SP4: variants seen among roughly 807,000 people sequenced by gnomAD.
SP4 encodes transcription factor Sp4.
Under a neutral mutation model 72.8 loss-of-function variants are expected in SP4, and 19 were observed. That is an observed-to-expected ratio of 0.26 (90% CI 0.18 to 0.38). The LOEUF is 0.38. Among genes scored for constraint, SP4 ranks in the 10% least tolerant of loss-of-function variants. The pLI is 1.00. For missense variants in SP4, 1,008 were observed against 926.3 expected (o/e 1.09, Z -1.14); for synonymous variants, 395 against 333.1 (o/e 1.19, Z -2.02).
At chr7:21,442,740 TTTG>T (rs1196843898) in intron 3 of SP4, among the ~76,000 whole-genome samples, 3 of 152,152 alleles carry the variant, frequency 2.0e-5, no homozygotes, top group African/African-American at 4.8e-5. Flanking sequence ...AGTTTTTTGT[TTTG>T]TTTTGTTTTT....
intron 5 of SP4, among the ~76,000 whole-genome samples, chr7:21,485,073 A>T (rs773510495): frequency 7.2e-5 from 11 of 152,052 alleles, no homozygotes; most frequent in Non-Finnish European, 1.6e-4. Flanking sequence ...ATATCAGTAT[A>T]CTTAAAATTG....
chr7:21,428,535 A>AC, intron 1 of SP4, 142 bp from the exon 2 acceptor site: 2 of 953,344 alleles, frequency 2.1e-6, no homozygotes, highest in Non-Finnish European at 3.1e-6. Context: ...CTTCTCCCCC[A>AC]CCCCCTGCCG....
At chr7:21,505,546 A>G (rs1161455621) in intron 5 of SP4, among the ~76,000 whole-genome samples, 1 of 152,148 alleles carries the variant, frequency 6.6e-6, no homozygotes, top group Non-Finnish European at 1.5e-5. Context: ...GTTTTCTCCT[A>G]GTTATAGCAT....
At chr7:21,452,992 C>T (rs1190495438) in intron 3 of SP4, among the ~76,000 whole-genome samples, 1 of 152,066 alleles carries the variant, frequency 6.6e-6, no homozygotes, top group East Asian at 1.9e-4. Context: ...ATTGGCCAGG[C>T]TGGTCTTGAA....
intron 3 of SP4, among the ~76,000 whole-genome samples, chr7:21,457,733 G>A (rs752899683): frequency 4.6e-5 from 7 of 151,946 alleles, no homozygotes; most frequent in Non-Finnish European, 7.4e-5. Context: ...AGGGGTAAGC[G>A]GTATGACCAT....
chr7:21,473,463 C>T (rs920349036), intron 3 of SP4, among the ~76,000 whole-genome samples: 4 of 152,078 alleles, frequency 2.6e-5, no homozygotes, highest in African/African-American at 7.2e-5. Context: ...GGCACTGTTA[C>T]GGTACTAGAG....
chr7:21,428,746 C>T lies in SP4; in HGVS notation c.77C>T (p.Ser26Phe). The T allele has an allele frequency of 6.4e-7, 1 of 1,553,372 alleles. No individual in the cohort carries two copies. Among genetic ancestry groups the T allele is most frequent in the Non-Finnish European group, 8.7e-7 (1 of 1,148,006 alleles). The change falls in exon 2 of 6, where the codon TCT becomes TTT. Residue 26 changes from serine to phenylalanine, a missense_variant. Coordinates refer to ENST00000222584, the MANE Select transcript of SP4 (RefSeq NM_003112.5). ...AAMATEGGKT[S>F]EPENNNKKPK... ...ATGGCTACAGAAGGAGGGAAAACCT[C>T]TGAGCCAGAGAATAACAATAAAAAA...
chr7:21,433,816 C>T (rs566416677), intron 3 of SP4, among the ~76,000 whole-genome samples: 21 of 151,918 alleles, frequency 1.4e-4, no homozygotes, highest in Non-Finnish European at 2.6e-4. Context: ...GGCACATGCC[C>T]GTAGTCCCAG....
At chr7:21,505,816 C>T (rs1781981256) in intron 5 of SP4, among the ~76,000 whole-genome samples, 3 of 152,248 alleles carry the variant, frequency 2.0e-5, no homozygotes, top group South Asian at 2.1e-4. Context: ...AATTGTCCAT[C>T]GTTAATCAAT....
At chr7:21,465,785 C>T (rs1039649984) in intron 3 of SP4, among the ~76,000 whole-genome samples, 7 of 152,020 alleles carry the variant, frequency 4.6e-5, no homozygotes, top group Non-Finnish European at 7.4e-5. Context: ...ATTGCTTGAG[C>T]CTAGGGGTTT....
intron 5 of SP4, among the ~76,000 whole-genome samples, chr7:21,485,835 A>C (rs1035553066): frequency 6.6e-6 from 1 of 151,944 alleles, no homozygotes; most frequent in Non-Finnish European, 1.5e-5. Context: ...CCATCTTTCT[A>C]ATGAACATGA....
At chr7:21,475,411 G>C (rs1344963792) in intron 3 of SP4, among the ~76,000 whole-genome samples, 2 of 151,854 alleles carry the variant, frequency 1.3e-5, no homozygotes, top group African/African-American at 2.4e-5. Flanking sequence ...ACCACGCCTG[G>C]CCTGAAAGAA....
chr7:21,496,034 C>G (rs1180847185), intron 5 of SP4, among the ~76,000 whole-genome samples: 1 of 152,074 alleles, frequency 6.6e-6, no homozygotes, highest in African/African-American at 2.4e-5. Context: ...ATGTGATATT[C>G]TGGAAAAATC....
At chr7:21,428,328 C>T (rs968735205) in intron 1 of SP4, 70 bp downstream of exon 1, 19 of 767,606 alleles carry the variant, frequency 2.5e-5, no homozygotes, top group Admixed American at 2.4e-4. Flanking sequence ...AGACCCTGCT[C>T]GGTTCTCCCC....
chr7:21,468,187 C>T (rs754825578), intron 3 of SP4, among the ~76,000 whole-genome samples: 4 of 152,130 alleles, frequency 2.6e-5, no homozygotes, highest in Non-Finnish European at 4.4e-5. Context: ...CCTAAGCTAA[C>T]AGCACCTTAT....
chr7:21,513,557 CATT>C lies in SP4; in HGVS notation c.*2291_*2293del, dbSNP rs1174118458. ...AACATCAAATATATATTTTATCTAT[CATT>C]ATGCTACACAATCAGTGCTATAAAT... On this transcript the variant is annotated 3_prime_UTR_variant, in exon 6 of 6. Transcript: ENST00000222584. The C allele has an allele frequency of 2.0e-4, 31 of 152,646 alleles. No individual in the cohort carries two copies. The highest frequency in any genetic ancestry group is 3.3e-4 in the Admixed American group (5 of 15,298). The allele number at this position is 152,646 out of a possible 1,614,324, so 9.5% of individuals were successfully genotyped here.
Position 21,500,015 on chromosome 7 carries a change from A to G in SP4, c.2108-11007A>G, listed in dbSNP as rs371596763. The stretch of plus-strand genomic sequence containing the variant: ...TTTTTTCCAAGGGAAATTACTGTTA[A>G]GAATATTAAAATAGTAAGTAGTCGA... On this transcript the variant is annotated intron_variant, in intron 5 of 5. Coordinates refer to ENST00000222584, the MANE Select transcript of SP4 (RefSeq NM_003112.5). Among the ~76,000 whole-genome samples the G allele has an allele frequency of 1.1e-4, 17 of 152,318 alleles. No individual in the cohort carries two copies. The East Asian group carries it at 3.1e-3, about 28-fold the overall frequency.
intron 2 of SP4, 80 bp from the exon 3 acceptor site, chr7:21,429,209 C>G: frequency 1.4e-6 from 1 of 713,584 alleles, no homozygotes; most frequent in Non-Finnish European, 2.3e-6. Context: ...ATAAGTAACC[C>G]CCTGGCAACT....
chr7:21,453,377 T>G (rs942813904), intron 3 of SP4, among the ~76,000 whole-genome samples: 10 of 152,194 alleles, frequency 6.6e-5, no homozygotes, highest in Non-Finnish European at 1.3e-4. Context: ...GTAACAATTA[T>G]CTGTGGATGA....
Sources: allele counts gnomAD v4.1 joint callset (sites outside exome capture counted in the v4.1 genomes callset), GRCh38; gene constraint gnomAD v4.1.1; transcripts MANE v1.5; gene names NCBI Gene and HGNC (gene_info 2026-07-23, HGNC 2026-07-21).